UNC13B: variants seen among roughly 807,000 people sequenced by gnomAD.
UNC13B encodes the protein protein unc-13 homolog B.
UNC13B carries 144 observed loss-of-function variants against 211.0 expected under a neutral mutation model. The observed-to-expected ratio is 0.68, with a 90% CI of 0.60 to 0.78. The LOEUF (loss-of-function observed/expected upper bound fraction) is 0.78. Among genes scored for constraint, UNC13B ranks in the 30% least tolerant of loss-of-function variants. UNC13B has a pLI of 0.00. For missense variants in UNC13B, 1,777 were observed against 2,002.0 expected, an observed-to-expected ratio of 0.89 and a Z score of 2.14; for synonymous variants, 709 against 725.8, an observed-to-expected ratio of 0.98 and a Z score of 0.37.
At chr9:35,244,200 G>T (rs370515924) in intron 6 of UNC13B, among the ~76,000 whole-genome samples, 1 of 152,034 alleles carries the variant, frequency 6.6e-6, no homozygotes, top group Non-Finnish European at 1.5e-5. Flanking sequence ...CTTAAAGAGA[G>T]AGAATAAGAT....
intron 8 of UNC13B, among the ~76,000 whole-genome samples, chr9:35,297,561 T>TTTTTGTTTTTTTTTTTTTTTG (rs1554698737): frequency 2.3e-5 from 3 of 128,164 alleles, no homozygotes; most frequent in African/African-American, 5.9e-5. Context: ...TTTTTTTTTT[T>TTTTTGTTTTTTTTTTTTTTTG]TTTTTTGAGA....
chr9:35,396,010 C>T (rs2132343438), intron 26 of UNC13B, among the ~76,000 whole-genome samples: 1 of 152,294 alleles, frequency 6.6e-6, no homozygotes, highest in East Asian at 1.9e-4. Flanking sequence ...CTGTAGTTGT[C>T]ACTGACCCAT....
At chr9:35,400,095 G>T (rs1040944112) in intron 36 of UNC13B, among the ~76,000 whole-genome samples, 1 of 152,074 alleles carries the variant, frequency 6.6e-6, no homozygotes, top group African/African-American at 2.4e-5. Flanking sequence ...AAACACTGCC[G>T]TACCTCCAGG....
At chr9:35,247,842 T>C (rs1439740216) in intron 6 of UNC13B, among the ~76,000 whole-genome samples, 2 of 152,184 alleles carry the variant, frequency 1.3e-5, no homozygotes, top group Admixed American at 1.3e-4. Flanking sequence ...CTGCCAGGCT[T>C]TGGTATCAGG....
At chr9:35,201,840 C>T (rs1823317873) in intron 1 of UNC13B, among the ~76,000 whole-genome samples, 1 of 152,082 alleles carries the variant, frequency 6.6e-6, no homozygotes, top group Non-Finnish European at 1.5e-5. Flanking sequence ...CTATCTCCTT[C>T]AGTTCTGCTC....
chr9:35,232,502 C>A (rs944229550), intron 3 of UNC13B, among the ~76,000 whole-genome samples: 2 of 151,888 alleles, frequency 1.3e-5, no homozygotes, highest in Non-Finnish European at 1.5e-5. Flanking sequence ...CCTATAGGAC[C>A]ATTATTGTGA....
chr9:35,236,739 A>G (rs1478602686), intron 4 of UNC13B, among the ~76,000 whole-genome samples, 153 bp downstream of exon 4: 1 of 152,068 alleles, frequency 6.6e-6, no homozygotes, highest in African/African-American at 2.4e-5. Flanking sequence ...TCCTAACTTC[A>G]CCTGAAGGTT....
chr9:35,322,056 G>T (rs1440525218), intron 11 of UNC13B, among the ~76,000 whole-genome samples: 1 of 152,168 alleles, frequency 6.6e-6, no homozygotes, highest in African/African-American at 2.4e-5. Flanking sequence ...TTACATCAAA[G>T]AGACTTTGAG....
At chr9:35,183,884 G>T (rs1437286052) in intron 1 of UNC13B, among the ~76,000 whole-genome samples, 2 of 146,834 alleles carry the variant, frequency 1.4e-5, no homozygotes, top group Non-Finnish European at 3.0e-5. Context: ...CCCAGACGGG[G>T]TGGTGGCCGG....
At chr9:35,329,491 AT>A (rs112246958) in intron 11 of UNC13B, among the ~76,000 whole-genome samples, 560 of 144,470 alleles carry the variant, frequency 3.9e-3, no homozygotes, top group Non-Finnish European at 5.1e-3. Context: ...GCATTGTGAG[AT>A]TTTTTTTTTT....
intron 11 of UNC13B, chr9:35,352,266 G>C: frequency 8.1e-7 from 1 of 1,232,164 alleles, no homozygotes; most frequent in Non-Finnish European, 1.0e-6. Context: ...AAGCACCTTT[G>C]TGTTAATGGC....
chr9:35,398,820 T>C, intron 32 of UNC13B, 62 bp from the exon 33 acceptor site: 1 of 1,587,470 alleles, frequency 6.3e-7, no homozygotes, highest in Non-Finnish European at 8.6e-7. Flanking sequence ...AAATAGCTGG[T>C]GCCGCTCCAG....
intron 1 of UNC13B, among the ~76,000 whole-genome samples, chr9:35,190,968 C>CT (rs913163980): frequency 6.0e-5 from 9 of 151,084 alleles, no homozygotes; most frequent in African/African-American, 1.7e-4. Flanking sequence ...TTTCTTTTTT[C>CT]TTTTTTTTTG....
In UNC13B at chr9:35,381,107, G is replaced by A. The variant is rs1834801611; in HGVS notation, c.10383G>A (p.Arg3461=). The change falls in exon 19 of 40, where the codon AGG becomes AGA. Residue 3461 remains arginine (R), a synonymous_variant. Coordinates refer to ENST00000635942, the MANE Select transcript of UNC13B (RefSeq NM_001371189.2). ...EMDVWYNLEK[R]TDKSAVSGAI... ...GTCTTCTTTCCTTCCTAGAGAAGAG[G>A]ACAGACAAATCAGCCGTCTCAGGGG... 3.7e-6 allele frequency: 6 copies of A among 1,613,846 alleles called. No homozygotes were observed. Among genetic ancestry groups the A allele is most frequent in the South Asian group, 1.1e-5 (1 of 91,018 alleles).
intron 22 of UNC13B, 64 bp downstream of exon 22, chr9:35,384,378 G>A: frequency 1.3e-6 from 2 of 1,555,658 alleles, no homozygotes; most frequent in Non-Finnish European, 1.7e-6. Context: ...AGAGACTGTA[G>A]GCCAATCTTG....
At chr9:35,222,916 A>G (rs533722167) in intron 1 of UNC13B, among the ~76,000 whole-genome samples, 1 of 152,058 alleles carries the variant, frequency 6.6e-6, no homozygotes, top group African/African-American at 2.4e-5. Flanking sequence ...GATCTCCTTT[A>G]TTTTAGCTCT....
At chr9:35,345,470 T>A in intron 11 of UNC13B, among the ~76,000 whole-genome samples, 1 of 151,988 alleles carries the variant, frequency 6.6e-6, no homozygotes, top group Non-Finnish European at 1.5e-5. Context: ...AGAAATTTGG[T>A]CAGATACCAA....
At chr9:35,177,309 T>G (rs1157392677) in intron 1 of UNC13B, among the ~76,000 whole-genome samples, 1 of 151,836 alleles carries the variant, frequency 6.6e-6, no homozygotes, top group Non-Finnish European at 1.5e-5. Flanking sequence ...AAAACAAAAC[T>G]ATAGGGCCTT....
At chr9:35,229,856 T>C (rs1347463057) in intron 2 of UNC13B, among the ~76,000 whole-genome samples, 4 of 152,232 alleles carry the variant, frequency 2.6e-5, no homozygotes, top group Admixed American at 2.6e-4. Context: ...TATGACGGGT[T>C]CCATTTTCTC....
Sources: allele counts gnomAD v4.1 joint callset (sites outside exome capture counted in the v4.1 genomes callset), GRCh38; gene constraint gnomAD v4.1.1; transcripts MANE v1.5; gene names NCBI Gene and HGNC (gene_info 2026-07-23, HGNC 2026-07-21).